Variants in FNBP1 observed in about 807,000 individuals in gnomAD.
FNBP1 encodes the protein formin binding protein 1.
FNBP1 carries 26 observed loss-of-function variants against 90.6 expected under a neutral mutation model. The ratio of observed to expected loss-of-function variants is 0.29; its 90% CI spans 0.21 to 0.40. The LOEUF (loss-of-function observed/expected upper bound fraction) is 0.40, where lower values mean the gene tolerates loss of function less well. FNBP1 is among the 10% of genes least tolerant of loss of function. FNBP1 has a pLI of 1.00. For synonymous variants in FNBP1, 260 were observed against 265.2 expected (o/e 0.98, Z 0.19); for missense variants, 635 against 768.0 (o/e 0.83, Z 2.05).
At chr9:129,933,819 C>A (rs2043083657) in intron 6 of FNBP1, among the ~76,000 whole-genome samples, 1 of 152,160 alleles carries the variant, frequency 6.6e-6, no homozygotes, top group African/African-American at 2.4e-5. Context: ...TTCTCCAAAG[C>A]CGCAGCAAAA....
At chr9:129,978,193 G>T (rs1245737104) in intron 4 of FNBP1, among the ~76,000 whole-genome samples, 1 of 151,828 alleles carries the variant, frequency 6.6e-6, no homozygotes, top group African/African-American at 2.4e-5. Flanking sequence ...GCTAATTTTT[G>T]TATTTTTAGT....
chr9:129,967,344 C>T (rs184129611), intron 4 of FNBP1, among the ~76,000 whole-genome samples: 61 of 152,246 alleles, frequency 4.0e-4, no homozygotes, highest in African/African-American at 1.3e-3. Flanking sequence ...GGCAAAATCC[C>T]GTCTCTATTA....
At chr9:129,960,784 T>A (rs2047691563) in intron 4 of FNBP1, among the ~76,000 whole-genome samples, 1 of 152,048 alleles carries the variant, frequency 6.6e-6, no homozygotes, top group African/African-American at 2.4e-5. Context: ...AGGTTGTAGG[T>A]AGCGAGCAGT....
At chr9:129,967,889 T>TG (rs1181864450) in intron 4 of FNBP1, among the ~76,000 whole-genome samples, 3 of 152,070 alleles carry the variant, frequency 2.0e-5, no homozygotes, top group African/African-American at 7.2e-5. Context: ...TTTTTGAGAT[T>TG]GGGGGGTGGA....
chr9:129,962,695 C>G (rs1357368823), intron 4 of FNBP1, among the ~76,000 whole-genome samples: 1 of 152,184 alleles, frequency 6.6e-6, no homozygotes, highest in Non-Finnish European at 1.5e-5. Flanking sequence ...TTGGTCTCTG[C>G]AAACCCAGGG....
At chr9:129,991,635 T>C (rs2053174468) in intron 2 of FNBP1, among the ~76,000 whole-genome samples, 1 of 151,022 alleles carries the variant, frequency 6.6e-6, no homozygotes, top group African/African-American at 2.4e-5. Context: ...TTTCAGATCA[T>C]TTCAGATGGT....
intron 2 of FNBP1, 94 bp from the exon 3 acceptor site, chr9:129,979,468 AAAAC>A (rs2050842704): frequency 1.2e-6 from 1 of 857,618 alleles, no homozygotes; most frequent in Non-Finnish European, 1.8e-6. Context: ...TTACAAGTTT[AAAAC>A]AAACAAAAAA....
rs553167412 is a variant in FNBP1, at chr9:129,887,195, A to T, written c.*3344T>A. The T allele has an allele frequency of 5.6e-6, 1 of 178,776 alleles. No individual in the cohort carries two copies. The highest frequency in any genetic ancestry group is 2.0e-4 in the South Asian group (1 of 5,050). The allele number at this position is 178,776 out of a possible 1,614,324, so 11.1% of individuals were successfully genotyped here. The stretch of plus-strand genomic sequence containing the variant: ...GTCCCGTGACACGGAGCCACAAGTT[A>T]TATTTTATTTTAACACGAGATTAAC... On this transcript the variant is annotated 3_prime_UTR_variant, in exon 17 of 17. Coordinates refer to ENST00000446176, the MANE Select transcript of FNBP1 (RefSeq NM_015033.3).
In FNBP1 at chr9:129,957,396, G is replaced by C. The variant is rs374689208; in HGVS notation, c.477C>G (p.Asp159Glu). 1.2e-6 allele frequency: 2 copies of C among 1,613,372 alleles called. No individual in the cohort carries two copies. The highest frequency in any genetic ancestry group is 2.7e-5 in the African/African-American group (2 of 74,872). ...DRAQQYFEKM[D>E]ADINVTKADV... ...CCGCTTTTGTGACATTGATGTCAGC[G>C]TCCATTTTCTCAAAGTACTGCTGCG... Residue 159 changes from aspartate to glutamate, a missense_variant, in exon 6 of 17, where the codon GAC (aspartate) becomes GAG (glutamate). By Grantham distance (45) the Asp-to-Glu change is conservative. Coordinates refer to ENST00000446176, the MANE Select transcript of FNBP1 (RefSeq NM_015033.3). The surrounding 1 kb of genome is among the most constrained non-coding windows in gnomAD (Gnocchi z 4.3).
chr9:130,040,909 A>C (rs2059763377), intron 1 of FNBP1, among the ~76,000 whole-genome samples: 1 of 152,080 alleles, frequency 6.6e-6, no homozygotes, highest in Non-Finnish European at 1.5e-5. Flanking sequence ...TAACAACCCA[A>C]ATTATTGTGA....
chr9:130,022,029 C>T (rs948503985), intron 1 of FNBP1, among the ~76,000 whole-genome samples: 2 of 151,818 alleles, frequency 1.3e-5, no homozygotes, highest in Non-Finnish European at 2.9e-5. Flanking sequence ...GCCTGGCTAA[C>T]TTGTATTTTT....
intron 1 of FNBP1, among the ~76,000 whole-genome samples, chr9:130,004,936 G>A (rs2055432797): frequency 6.6e-6 from 1 of 151,918 alleles, no homozygotes; most frequent in African/African-American, 2.4e-5. Context: ...CATGGTGGCA[G>A]CTACCTGTAG....
At chr9:129,960,383 C>CAAAAAAAAAAAA (rs10715833) in intron 4 of FNBP1, among the ~76,000 whole-genome samples, 11 of 80,446 alleles carry the variant, frequency 1.4e-4, no homozygotes, top group Non-Finnish European at 1.7e-4. Flanking sequence ...GACTCCATCT[C>CAAAAAAAAAAAA]AAAAAAAAAA....
chr9:130,016,615 C>A (rs149312595), intron 1 of FNBP1, among the ~76,000 whole-genome samples: 5 of 151,982 alleles, frequency 3.3e-5, no homozygotes, highest in Admixed American at 2.6e-4. Flanking sequence ...TGGTGGTGCA[C>A]GCCTGTAATT....
chr9:130,045,842 C>T (rs2060057053), upstream of FNBP1, among the ~76,000 whole-genome samples: 1 of 152,100 alleles, frequency 6.6e-6, no homozygotes, highest in African/African-American at 2.4e-5. Flanking sequence ...GAACTAAATC[C>T]ATTTCAGTTT....
At chr9:129,960,383 CAAAAAAA>C (rs10715833) in intron 4 of FNBP1, among the ~76,000 whole-genome samples, 7 of 80,454 alleles carry the variant, frequency 8.7e-5, no homozygotes, top group South Asian at 4.1e-4. Context: ...GACTCCATCT[CAAAAAAA>C]AAAAAAAAAA....
rs538497856 is a variant in FNBP1, at chr9:129,966,495, G to A, written c.346-7942C>T. On this transcript the variant is annotated intron_variant, in intron 4 of 16. Transcript: ENST00000446176. The surrounding 1 kb of genome is among the most constrained non-coding windows in gnomAD (Gnocchi z 4.3). ...TGTAATCCCAGCACTTTGGGAGGTCGAGATGGGCGGATCATTTGAGGTCAG... is the reference window on the plus strand; with the variant it reads ...TGTAATCCCAGCACTTTGGGAGGTCAAGATGGGCGGATCATTTGAGGTCAG... Among the ~76,000 whole-genome samples the A allele has an allele frequency of 2.6e-5, 4 of 152,130 alleles. No homozygotes were observed. Among genetic ancestry groups the A allele is most frequent in the East Asian group, 3.9e-4 (2 of 5,164 alleles).
intron 6 of FNBP1, among the ~76,000 whole-genome samples, chr9:129,955,162 C>T (rs1347521945): frequency 1.3e-5 from 2 of 151,708 alleles, no homozygotes; most frequent in African/African-American, 4.8e-5. Flanking sequence ...AAAAGAAATG[C>T]AACTATCATT....
chr9:130,005,435 G>A (rs575792784), intron 1 of FNBP1, among the ~76,000 whole-genome samples: 3 of 150,550 alleles, frequency 2.0e-5, no homozygotes, highest in Non-Finnish European at 3.0e-5. Flanking sequence ...TCCGCCTCTC[G>A]GGTTCAAGCG....
Sources: gnomAD v4.1 joint callset for allele counts (sites outside exome capture counted in the v4.1 genomes callset) on GRCh38, gnomAD v4.1.1 for gene constraint, Gnocchi (gnomAD v3.1) non-coding constraint, MANE v1.5 for transcripts, NCBI Gene and HGNC (gene_info 2026-07-23, HGNC 2026-07-21) for gene names.